The following POLGARF variants were observed in gnomAD, a reference collection of about 807,000 sequenced individuals.
POLGARF encodes the protein POLG alternative reading frame.
chr15:89,333,144 G>C, the POLGARF span: 1 of 1,536,126 alleles, frequency 6.5e-7, no homozygotes, highest in Non-Finnish European at 8.8e-7. Context: ...AGTTCCCTCT[G>C]CCAAGCAGAC....
the POLGARF span, among the ~76,000 whole-genome samples, chr15:89,332,654 T>C: frequency 6.6e-6 from 1 of 151,636 alleles, no homozygotes; most frequent in Non-Finnish European, 1.5e-5. Context: ...AGGCTGGGGA[T>C]GCTAAATGTC....
the POLGARF span, chr15:89,330,273 A>G: frequency 6.2e-7 from 1 of 1,610,372 alleles, no homozygotes; most frequent in Non-Finnish European, 8.5e-7. Context: ...TGCACCAGGA[A>G]TACCTGAGGG....
chr15:89,333,596 T>TTGCTGCTGCTGCTGCTGC, the POLGARF span: 23 of 1,598,000 alleles, frequency 1.4e-5, no homozygotes, highest in Non-Finnish European at 1.7e-5. Flanking sequence ...GAGGCTGCTG[T>TTGCTGCTGCTGCTGCTGC]TGCTGCTGCT....
chr15:89,333,579 GGCTGCTGAGGCTGCTGTT>G, the POLGARF span: 5 of 1,608,170 alleles, frequency 3.1e-6, no homozygotes, highest in Non-Finnish European at 4.2e-6. Flanking sequence ...TAGCACTTGC[GGCTGCTGAGGCTGCTGTT>G]GCTGCTGCTG....
At chr15:89,331,020 G>A in the POLGARF span, among the ~76,000 whole-genome samples, 8 of 152,280 alleles carry the variant, frequency 5.3e-5, no homozygotes, top group South Asian at 6.2e-4. Context: ...TGGCCACTGA[G>A]GAAATGCCTG....
chr15:89,331,596 C>T, the POLGARF span, among the ~76,000 whole-genome samples: 6 of 152,186 alleles, frequency 3.9e-5, no homozygotes, highest in Non-Finnish European at 8.8e-5. Flanking sequence ...GCCTGATGGC[C>T]GAAGCCCTTA....
At chr15:89,332,038 C>T in the POLGARF span, among the ~76,000 whole-genome samples, 82 of 152,328 alleles carry the variant, frequency 5.4e-4, 4 homozygotes, top group South Asian at 0.015. Flanking sequence ...TTTCTTGTCA[C>T]TGGTTTCCTA....
chr15:89,332,946 C>T, the POLGARF span: 1 of 1,053,048 alleles, frequency 9.5e-7, no homozygotes, highest in Non-Finnish European at 1.3e-6. Context: ...GTGAGTCCCA[C>T]ATAAACAGGG....
chr15:89,333,362 G>A, the POLGARF span: 2 of 1,574,156 alleles, frequency 1.3e-6, no homozygotes, highest in Non-Finnish European at 1.7e-6. Flanking sequence ...GGTTGTCCCC[G>A]TAGAGGGGCG....
At chr15:89,333,092 T>C in the POLGARF span, 2 of 1,511,632 alleles carry the variant, frequency 1.3e-6, no homozygotes. Flanking sequence ...CTGCCCCTAC[T>C]TACCAGGCCG....
the POLGARF span, among the ~76,000 whole-genome samples, chr15:89,330,517 C>T: frequency 6.6e-6 from 1 of 152,186 alleles, no homozygotes; most frequent in Non-Finnish European, 1.5e-5. Flanking sequence ...AATGGAACTA[C>T]TGGGCTATTA....
chr15:89,331,774 AC>A, the POLGARF span, among the ~76,000 whole-genome samples: 1 of 117,938 alleles, frequency 8.5e-6, no homozygotes, highest in Non-Finnish European at 1.8e-5. Flanking sequence ...TGTGGCACCC[AC>A]CCCCACCCAC....
the POLGARF span, chr15:89,332,972 A>T: frequency 2.3e-6 from 3 of 1,317,300 alleles, no homozygotes; most frequent in Non-Finnish European, 3.0e-6. Flanking sequence ...GTCCTAATTC[A>T]ACACATCAGC....
At chr15:89,333,211 C>A in the POLGARF span, 2 of 1,577,496 alleles carry the variant, frequency 1.3e-6, no homozygotes, top group South Asian at 1.1e-5. Flanking sequence ...ACGGCCTCCC[C>A]CTCGGGGCCG....
chr15:89,333,360 C>T, the POLGARF span: 34 of 1,573,502 alleles, frequency 2.2e-5, no homozygotes, highest in Non-Finnish European at 2.6e-5. Context: ...CAGGTTGTCC[C>T]CGTAGAGGGG....
the POLGARF span, among the ~76,000 whole-genome samples, chr15:89,331,791 A>C: frequency 6.7e-6 from 1 of 148,710 alleles, no homozygotes; most frequent in Non-Finnish European, 1.5e-5. Flanking sequence ...CCCACCAGTC[A>C]GACTCCCAGG....
the POLGARF span, chr15:89,333,080 C>T: frequency 1.3e-6 from 2 of 1,510,260 alleles, no homozygotes; most frequent in Non-Finnish European, 1.8e-6. Flanking sequence ...ATGTCCCCAA[C>T]CCTGCCCCTA....
the POLGARF span, chr15:89,333,271 G>A: frequency 1.2e-5 from 19 of 1,560,246 alleles, no homozygotes; most frequent in Non-Finnish European, 1.4e-5. Context: ...TTCGGGGGCA[G>A]CTGGGCCTGC....
the POLGARF span, chr15:89,330,348 A>G: frequency 8.7e-7 from 1 of 1,148,592 alleles, no homozygotes; most frequent in South Asian, 1.3e-5. Context: ...ACCACTGCAC[A>G]CCTACCGCCA....
Sources: allele counts gnomAD v4.1 joint callset (sites outside exome capture counted in the v4.1 genomes callset), GRCh38; gene constraint gnomAD v4.1.1; transcripts MANE v1.5; gene names NCBI Gene and HGNC (gene_info 2026-07-23, HGNC 2026-07-21).